FSD2: variants seen among roughly 807,000 people sequenced by gnomAD.
The protein encoded by FSD2 is fibronectin type III and SPRY domain-containing protein 2.
A neutral mutation model predicts 80.4 loss-of-function variants in FSD2; 71 were observed. That is an observed-to-expected ratio of 0.88 (90% CI 0.73 to 1.08). FSD2 has a LOEUF of 1.08. Ranked by LOEUF, FSD2 falls within the 50% of genes least tolerant of loss-of-function variation. The pLI, the probability that FSD2 is intolerant of heterozygous loss-of-function variation, is 0.00. For synonymous variants in FSD2, 361 were observed against 329.5 expected, an observed-to-expected ratio of 1.10 and a Z score of -1.03; for missense variants, 923 against 913.8, an observed-to-expected ratio of 1.01 and a Z score of -0.13.
intron 1 of FSD2, among the ~76,000 whole-genome samples, chr15:82,797,650 A>C (rs976500602): frequency 6.6e-6 from 1 of 152,022 alleles, no homozygotes; most frequent in Admixed American, 6.6e-5. Flanking sequence ...CTCTACTAAA[A>C]ATACAAAAAA....
In FSD2 at chr15:82,770,126, G is replaced by T. The variant is rs1877240; in HGVS notation, c.1268-242C>A. Among the ~76,000 whole-genome samples, 20,255 of 152,158 alleles carry T rather than the reference G, an allele frequency of 0.13. 1,502 individuals carry two copies. Among genetic ancestry groups the T allele is most frequent in the Non-Finnish European group, 0.17 (11,359 of 67,988 alleles). On this transcript the variant is annotated intron_variant, in intron 7 of 12. Transcript: ENST00000334574. ...TTTGGTCAATGGGGCAATAACAAAC[G>T]ATGCAAGCAGAGGCATGGAAGTGCT... is the stretch of plus-strand genomic sequence containing the variant.
rs376051884 is a variant in FSD2 at position 82,786,611 on chromosome 15, C to A, written c.640-5G>T. 25 of 1,611,820 alleles carry A rather than the reference C, an allele frequency of 1.6e-5. No homozygotes were observed. In the African/African-American group the frequency reaches 3.1e-4, roughly 20 times the overall value. On this transcript the variant is annotated splice_region_variant and splice_polypyrimidine_tract_variant and intron_variant, in intron 2 of 12. Coordinates refer to ENST00000334574, the MANE Select transcript of FSD2 (RefSeq NM_001007122.4). ...CATGTTTTTGTGAATTTCATCCTAT[C>A]CAACAGAGGATCACAAAGAAGGTAT...
chr15:82,790,713 C>CTACTAGGGAGTCTAG (rs1414341881), intron 1 of FSD2, among the ~76,000 whole-genome samples: 1 of 150,366 alleles, frequency 6.7e-6, no homozygotes. Context: ...GTAGCTGGGA[C>CTACTAGGGAGTCTAG]TATAGGCGCC....
chr15:82,793,032 T>A (rs1172539493), intron 1 of FSD2, among the ~76,000 whole-genome samples: 1 of 152,238 alleles, frequency 6.6e-6, no homozygotes, highest in East Asian at 1.9e-4. Context: ...TTTCAACGTT[T>A]GGTAGAATTC....
chr15:82,768,993 C>T lies in FSD2; in HGVS notation c.1440G>A (p.Arg480=), dbSNP rs762887359. The T allele has an allele frequency of 5.0e-6, 8 of 1,601,188 alleles. No homozygotes were observed. Among genetic ancestry groups the T allele is most frequent in the Non-Finnish European group, 6.8e-6 (8 of 1,174,524 alleles). Reference sequence around the variant, plus strand: ...AAATCAGCACAGCCTCTTCACAGCTCCTTATCTCTTTGGTTTTAATAATGG... The same window carrying T: ...AAATCAGCACAGCCTCTTCACAGCTTCTTATCTCTTTGGTTTTAATAATGG... ...SPPIIKTKEI[R]SCEEAVLICW... The change falls in exon 9 of 13, where the codon AGG becomes AGA. Residue 480 remains arginine (R), a synonymous_variant. Coordinates refer to ENST00000334574, the MANE Select transcript of FSD2 (RefSeq NM_001007122.4).
Position 82,765,041 on chromosome 15 carries a change from CCTCA to C in FSD2, c.1820+121_1820+124del, listed in dbSNP as rs562680765. ...TCCCCTCCCCATTAGGCTCCTCCCT[CCTCA>C]CTCATTTGTAGGATTCCTTTTCCCT... On this transcript the variant is annotated intron_variant, in intron 11 of 12. Transcript: ENST00000334574. The C allele has an allele frequency of 1.1e-4, 126 of 1,199,930 alleles. No individual in the cohort carries two copies. In the African/African-American group the frequency reaches 1.8e-3, roughly 17 times the overall value. 74.3% of individuals were successfully genotyped at this position (1,199,930 alleles called of 1,614,324 possible). A position where few individuals can be genotyped will look rare whatever the true frequency, so the allele number is the denominator to read the frequency against.
chr15:82,787,422 A>G lies in FSD2; in HGVS notation c.-32T>C. The G allele has an allele frequency of 6.4e-7, 1 of 1,550,550 alleles. No individual in the cohort carries two copies. Among genetic ancestry groups the G allele is most frequent in the South Asian group, 1.3e-5 (1 of 79,164 alleles). On this transcript the variant is annotated 5_prime_UTR_variant, in exon 2 of 13. Transcript: ENST00000334574. ...TCTGGAAGTCCTCAGAAGCACCTTT[A>G]TATAAGAAAGATCCTTCCTGGACAC...
intron 1 of FSD2, among the ~76,000 whole-genome samples, chr15:82,804,214 A>G (rs1225500173): frequency 6.6e-6 from 1 of 152,050 alleles, no homozygotes; most frequent in Non-Finnish European, 1.5e-5. Context: ...AGAAGGCACC[A>G]AGCAGAACAG....
intron 3 of FSD2, among the ~76,000 whole-genome samples, chr15:82,784,876 C>T (rs1182157963): frequency 2.6e-5 from 4 of 152,142 alleles, no homozygotes; most frequent in Non-Finnish European, 5.9e-5. Flanking sequence ...TGAGCTCTGG[C>T]ATCATAGTGG....
At chr15:82,788,832 A>G (rs1693361748) in intron 1 of FSD2, among the ~76,000 whole-genome samples, 1 of 152,042 alleles carries the variant, frequency 6.6e-6, no homozygotes, top group African/African-American at 2.4e-5. Context: ...TAGGCAACAC[A>G]GTGAAACCCC....
intron 12 of FSD2, among the ~76,000 whole-genome samples, chr15:82,761,687 T>TA (rs201820422): frequency 7.5e-5 from 11 of 147,190 alleles, no homozygotes; most frequent in Non-Finnish European, 1.4e-4. Context: ...ATTTTATTAT[T>TA]TTTTTTTTTT....
chr15:82,776,758 A>G (rs1360993491), intron 6 of FSD2, among the ~76,000 whole-genome samples: 1 of 152,218 alleles, frequency 6.6e-6, no homozygotes, highest in East Asian at 1.9e-4. Context: ...ATGGAACCAC[A>G]AAAGAACCCA....
chr15:82,764,639 G>A (rs1241175907), intron 11 of FSD2, among the ~76,000 whole-genome samples: 2 of 151,508 alleles, frequency 1.3e-5, no homozygotes, highest in African/African-American at 4.9e-5. Flanking sequence ...CAACAGGCCC[G>A]GCTAATTTTT....
intron 12 of FSD2, among the ~76,000 whole-genome samples, 183 bp downstream of exon 12, chr15:82,761,919 T>C (rs2151485549): frequency 6.6e-6 from 1 of 152,324 alleles, no homozygotes; most frequent in Admixed American, 6.5e-5. Context: ...CTATTTTTAG[T>C]TGAAGAAAAG....
intron 9 of FSD2, among the ~76,000 whole-genome samples, chr15:82,767,413 A>G (rs868283457): frequency 6.6e-6 from 1 of 152,166 alleles, no homozygotes; most frequent in Admixed American, 6.5e-5. Flanking sequence ...AACATGACCA[A>G]TGTGGTGGGA....
intron 9 of FSD2, among the ~76,000 whole-genome samples, chr15:82,766,512 C>T (rs113342457): frequency 0.022 from 3,380 of 152,180 alleles, 57 homozygotes; most frequent in Admixed American, 0.037. Context: ...GAGGCTGAGG[C>T]GGGTGGGTCA....
chr15:82,783,818 G>C (rs2049931659), intron 3 of FSD2, among the ~76,000 whole-genome samples: 1 of 152,140 alleles, frequency 6.6e-6, no homozygotes, highest in Non-Finnish European at 1.5e-5. Context: ...TCAACTAGGG[G>C]AGAAATGAAG....
At chr15:82,796,989 A>T (rs1360283943) in intron 1 of FSD2, among the ~76,000 whole-genome samples, 1 of 149,170 alleles carries the variant, frequency 6.7e-6, no homozygotes, top group East Asian at 2.0e-4. Context: ...TGAATATTTC[A>T]TTGCACTGTA....
chr15:82,769,834 G>A lies in FSD2; in HGVS notation c.1318C>T (p.Pro440Ser). Residue 440 changes from proline to serine, a missense_variant, in exon 8 of 13, where the codon CCA becomes TCA. Physicochemically the swap from Pro to Ser is moderately conservative, Grantham distance 74 (BLOSUM62 -1). Coordinates refer to ENST00000334574, the MANE Select transcript of FSD2 (RefSeq NM_001007122.4). ...ACCCAAAATTCATACTGGGTATTTG[G>A]CACAAGGTTTGTCACTGAGCAATAT... The part of the protein sequence containing the change: ...ETYCSVTNLV[P>S]NTQYEFWVTA... 1 of 1,613,952 alleles carries A rather than the reference G, an allele frequency of 6.2e-7. No individual in the cohort carries two copies. The highest frequency in any genetic ancestry group is 8.5e-7 in the Non-Finnish European group (1 of 1,179,888).
Sources: gnomAD v4.1 joint callset for allele counts (sites outside exome capture counted in the v4.1 genomes callset) on GRCh38, gnomAD v4.1.1 for gene constraint, MANE v1.5 for transcripts, NCBI Gene and HGNC (gene_info 2026-07-23, HGNC 2026-07-21) for gene names.